PRKAR1B: variants seen among roughly 807,000 people sequenced by gnomAD.
PRKAR1B encodes the protein protein kinase cAMP-dependent type I regulatory subunit beta.
PRKAR1B carries 22 observed loss-of-function variants against 46.5 expected under a neutral mutation model. That is an observed-to-expected ratio of 0.47 (90% CI 0.34 to 0.68). The LOEUF (loss-of-function observed/expected upper bound fraction) is 0.68, where lower values mean the gene tolerates loss of function less well. Among genes scored for constraint, PRKAR1B ranks in the 30% least tolerant of loss-of-function variants. PRKAR1B has a pLI of 0.01. For synonymous variants in PRKAR1B, 259 were observed against 217.7 expected (o/e 1.19, Z -1.67); for missense variants, 445 against 535.6 (o/e 0.83, Z 1.67).
chr7:695,717 G>C (rs1482914299), intron 2 of PRKAR1B, among the ~76,000 whole-genome samples: 1 of 151,546 alleles, frequency 6.6e-6, no homozygotes, highest in South Asian at 2.1e-4. Context: ...AGGCTGGAGT[G>C]TAGTGGCGTG....
intron 1 of PRKAR1B, among the ~76,000 whole-genome samples, chr7:718,862 G>GTTTTTT (rs1265021630): frequency 2.1e-5 from 2 of 95,390 alleles, no homozygotes; most frequent in African/African-American, 7.6e-5. Context: ...TCTTTTATAG[G>GTTTTTT]CTTTTTTTTT....
At chr7:696,274 T>A (rs1411892841) in intron 2 of PRKAR1B, among the ~76,000 whole-genome samples, 2 of 147,534 alleles carry the variant, frequency 1.4e-5, no homozygotes, top group African/African-American at 5.1e-5. Flanking sequence ...CAATGGAACT[T>A]TTTTTTTTTA....
At chr7:590,545 G>C (rs1337740276) in intron 7 of PRKAR1B, among the ~76,000 whole-genome samples, 1 of 152,230 alleles carries the variant, frequency 6.6e-6, no homozygotes, top group African/African-American at 2.4e-5. Context: ...CCCAGGCCTT[G>C]CAAGTCACAG....
chr7:552,871 A>T (rs1375382878), intron 9 of PRKAR1B, among the ~76,000 whole-genome samples: 1 of 152,246 alleles, frequency 6.6e-6, no homozygotes, highest in Non-Finnish European at 1.5e-5. Context: ...TCTCAGGGTC[A>T]CATGCCTACT....
intron 4 of PRKAR1B, among the ~76,000 whole-genome samples, chr7:654,992 T>C (rs1785121264): frequency 6.6e-6 from 1 of 152,172 alleles, no homozygotes; most frequent in Non-Finnish European, 1.5e-5. Context: ...AGGGCCCCTT[T>C]CTTTAGAATC....
chr7:603,738 G>T (rs1781802185), intron 6 of PRKAR1B, among the ~76,000 whole-genome samples: 1 of 137,208 alleles, frequency 7.3e-6, no homozygotes, highest in Non-Finnish European at 1.6e-5. Context: ...GATCCAGAGT[G>T]GAGAGGGTGG....
chr7:728,017 C>G (rs1583469870), upstream of PRKAR1B, among the ~76,000 whole-genome samples: 1 of 152,170 alleles, frequency 6.6e-6, no homozygotes, highest in South Asian at 2.1e-4. Context: ...ATTTCACTTT[C>G]TGTCCCATTC....
chr7:581,302 C>CAAAAAAAAA (rs758386135), intron 8 of PRKAR1B, among the ~76,000 whole-genome samples: 1 of 103,164 alleles, frequency 9.7e-6, no homozygotes, highest in Non-Finnish European at 2.0e-5. Context: ...CACTCTGTCT[C>CAAAAAAAAA]AAAAAAAAAA....
chr7:564,448 T>C (rs1779011349), intron 9 of PRKAR1B, among the ~76,000 whole-genome samples: 1 of 152,214 alleles, frequency 6.6e-6, no homozygotes, highest in African/African-American at 2.4e-5. Flanking sequence ...AGCTTTGCAC[T>C]GCCTTCCAGG....
rs555786120 is a variant in PRKAR1B at position 710,881 on chromosome 7, T to C, written c.177+448A>G. Among the ~76,000 whole-genome samples, 208 of 152,264 alleles carry C rather than the reference T, an allele frequency of 1.4e-3. 1 individual carries two copies. Among genetic ancestry groups the C allele is most frequent in the African/African-American group, 4.6e-3 (192 of 41,546 alleles). On this transcript the variant is annotated intron_variant, in intron 2 of 10. Coordinates refer to ENST00000537384, the MANE Select transcript of PRKAR1B (RefSeq NM_001164760.2). Reference sequence around the variant, plus strand: ...CTGGTCTCGAACTCCTGACCTCAAGTGATCTGCCCGCCTCGGCCTCCCAAA... The same window carrying C: ...CTGGTCTCGAACTCCTGACCTCAAGCGATCTGCCCGCCTCGGCCTCCCAAA...
In PRKAR1B at chr7:606,235, A is replaced by G. The variant is rs1177730178; in HGVS notation, c.507T>C (p.Asn169=). Residue 169 remains asparagine (N), a synonymous_variant, in exon 6 of 11, where the codon AAT becomes AAC. Coordinates refer to ENST00000537384, the MANE Select transcript of PRKAR1B (RefSeq NM_001164760.2). Reference sequence around the variant, plus strand: ...CAACGACATAGAAGTTGTCTCCTTCATTCCCTGTAACAAAAGAAGAAAGTC... The same window carrying G: ...CAACGACATAGAAGTTGTCTCCTTCGTTCCCTGTAACAAAAGAAGAAAGTC... ...IAGETVIQQG[N]EGDNFYVVDQ... 3 of 1,613,562 alleles carry G rather than the reference A, an allele frequency of 1.9e-6. No individual in the cohort carries two copies. Among genetic ancestry groups the G allele is most frequent in the Non-Finnish European group, 1.7e-6 (2 of 1,179,598 alleles).
chr7:643,082 T>A (rs1268161014), intron 4 of PRKAR1B, among the ~76,000 whole-genome samples: 1 of 151,590 alleles, frequency 6.6e-6, no homozygotes, highest in Non-Finnish European at 1.5e-5. Flanking sequence ...GCTGAGCACA[T>A]TGGCCGTTGG....
chr7:726,720 G>T, intron 1 of PRKAR1B: 1 of 1,239,732 alleles, frequency 8.1e-7, no homozygotes, highest in Non-Finnish European at 1.0e-6. Flanking sequence ...ACGCGGGCAA[G>T]ATGGCGGCGC....
At chr7:552,709 G>A (rs1364790371) in intron 9 of PRKAR1B, among the ~76,000 whole-genome samples, 1 of 152,222 alleles carries the variant, frequency 6.6e-6, no homozygotes, top group African/African-American at 2.4e-5. Context: ...GCGAGCGGAG[G>A]AGCCGGGAGG....
At chr7:583,802 GCA>G (rs1336644674) in intron 8 of PRKAR1B, among the ~76,000 whole-genome samples, 1 of 118,376 alleles carries the variant, frequency 8.4e-6, no homozygotes, top group African/African-American at 3.4e-5. Flanking sequence ...GCACTCACAT[GCA>G]CACTCATGCA....
intron 4 of PRKAR1B, among the ~76,000 whole-genome samples, chr7:673,055 A>AAAC: frequency 7.8e-6 from 1 of 128,912 alleles, no homozygotes; most frequent in South Asian, 2.5e-4. Flanking sequence ...TAAAAAAAAA[A>AAAC]AAAAAAAAAA....
intron 1 of PRKAR1B, among the ~76,000 whole-genome samples, chr7:719,789 AC>A (rs1781008705): frequency 6.6e-6 from 1 of 151,958 alleles, no homozygotes; most frequent in Non-Finnish European, 1.5e-5. Flanking sequence ...TAATCACGCC[AC>A]CCCATCCCTA....
intron 4 of PRKAR1B, among the ~76,000 whole-genome samples, chr7:635,931 A>ACCGCGCCCTCACGTCCTCCACCGG (rs1784028541): frequency 6.6e-6 from 1 of 150,652 alleles, no homozygotes; most frequent in East Asian, 2.0e-4. Context: ...AAGTACCAGC[A>ACCGCGCCCTCACGTCCTCCACCGG]CCGCGCCCAC....
At chr7:571,783 C>T (rs888797981) in intron 9 of PRKAR1B, among the ~76,000 whole-genome samples, 2 of 152,174 alleles carry the variant, frequency 1.3e-5, no homozygotes, top group African/African-American at 2.4e-5. Context: ...AGATGGTGCC[C>T]GGGCGGGCAC....
Sources: gnomAD v4.1 joint callset for allele counts (sites outside exome capture counted in the v4.1 genomes callset) on GRCh38, gnomAD v4.1.1 for gene constraint, MANE v1.5 for transcripts, NCBI Gene and HGNC (gene_info 2026-07-23, HGNC 2026-07-21) for gene names.